The following GSG1L variants were observed in gnomAD, a reference collection of about 807,000 sequenced individuals.
The protein encoded by GSG1L is germ cell-specific gene 1-like protein.
A neutral mutation model predicts 42.1 loss-of-function variants in GSG1L; 24 were observed. The ratio of observed to expected loss-of-function variants is 0.57; its 90% CI spans 0.41 to 0.80. The LOEUF (loss-of-function observed/expected upper bound fraction) is 0.80. GSG1L is among the 30% of genes least tolerant of loss of function. The pLI is 0.00. For synonymous variants in GSG1L, 215 were observed against 203.5 expected, an observed-to-expected ratio of 1.06 and a Z score of -0.48; for missense variants, 445 against 472.2, an observed-to-expected ratio of 0.94 and a Z score of 0.53.
intron 3 of GSG1L, among the ~76,000 whole-genome samples, chr16:27,880,548 G>T (rs1056812027): frequency 6.6e-6 from 1 of 152,160 alleles, no homozygotes; most frequent in African/African-American, 2.4e-5. Flanking sequence ...ACCTCCCTGA[G>T]CCTGGATTGT....
At chr16:27,914,467 T>C (rs2084427596) in intron 2 of GSG1L, among the ~76,000 whole-genome samples, 1 of 152,194 alleles carries the variant, frequency 6.6e-6, no homozygotes, top group Non-Finnish European at 1.5e-5. Flanking sequence ...AAAGTGAGGA[T>C]ACAGCCTCCC....
intron 2 of GSG1L, among the ~76,000 whole-genome samples, chr16:27,947,963 C>A (rs1296902716): frequency 2.0e-5 from 3 of 152,098 alleles, no homozygotes; most frequent in Non-Finnish European, 4.4e-5. Context: ...GGCTGGAGGG[C>A]CTCAGAGAAT....
At chr16:27,886,037 C>T (rs2084024525) in intron 2 of GSG1L, among the ~76,000 whole-genome samples, 1 of 152,206 alleles carries the variant, frequency 6.6e-6, no homozygotes, top group Non-Finnish European at 1.5e-5. Flanking sequence ...ATCTGGGCTC[C>T]ATGATGGGGA....
At chr16:27,908,568 T>G (rs1163051838) in intron 2 of GSG1L, among the ~76,000 whole-genome samples, 3 of 152,176 alleles carry the variant, frequency 2.0e-5, no homozygotes, top group African/African-American at 7.2e-5. Flanking sequence ...TTCTCACAGT[T>G]CTGGAGGCTG....
chr16:27,813,822 T>C (rs1251170847), intron 5 of GSG1L, among the ~76,000 whole-genome samples: 1 of 152,212 alleles, frequency 6.6e-6, no homozygotes, highest in African/African-American at 2.4e-5. Flanking sequence ...AATGAGACCT[T>C]GGGCCCTGGA....
chr16:28,002,241 G>C (rs966635195), intron 1 of GSG1L, among the ~76,000 whole-genome samples: 1 of 152,150 alleles, frequency 6.6e-6, no homozygotes, highest in Non-Finnish European at 1.5e-5. Flanking sequence ...GGTGAGCGAG[G>C]CTTCTCTGAT....
At chr16:27,793,378 C>T (rs746215421) in intron 6 of GSG1L, among the ~76,000 whole-genome samples, 31 of 152,148 alleles carry the variant, frequency 2.0e-4, no homozygotes, top group South Asian at 4.1e-4. Flanking sequence ...ATTTTGCAAA[C>T]ATTTTGGAAT....
chr16:27,984,569 G>A (rs1276917367), intron 1 of GSG1L, among the ~76,000 whole-genome samples: 2 of 152,052 alleles, frequency 1.3e-5, no homozygotes, highest in African/African-American at 4.8e-5. Flanking sequence ...TTTTTTTAGA[G>A]CTCTACAGTC....
At chr16:27,869,927 CTCTCTCTGTCTCTGTCTCCCTCCA>C (rs1281228049) in intron 3 of GSG1L, among the ~76,000 whole-genome samples, 42 of 145,154 alleles carry the variant, frequency 2.9e-4, no homozygotes, top group Admixed American at 4.8e-4. Context: ...CTCCCTCCAT[CTCTCTCTGTCTCTGTCTCCCTCCA>C]TCTCTCTCTC....
chr16:27,817,307 C>T (rs2083106385), intron 5 of GSG1L, among the ~76,000 whole-genome samples: 1 of 152,192 alleles, frequency 6.6e-6, no homozygotes, highest in South Asian at 2.1e-4. Context: ...TGTCATCCCC[C>T]GCCATGTTCT....
In GSG1L at chr16:27,892,789, CAAA is replaced by C. The variant is rs67758245; in HGVS notation, c.398-8154_398-8152del. 1.2e-3 allele frequency among the ~76,000 whole-genome samples: 112 copies of C among 96,630 alleles called. 1 individual carries two copies. The highest frequency in any genetic ancestry group is 1.4e-3 in the Non-Finnish European group (67 of 47,854). 63.4% of individuals were successfully genotyped at this position (96,630 alleles called of 152,430 possible). A position where few individuals can be genotyped will look rare whatever the true frequency, so the allele number is the denominator to read the frequency against. On this transcript the variant is annotated intron_variant, in intron 2 of 6. Coordinates refer to ENST00000447459, the MANE Select transcript of GSG1L (RefSeq NM_001109763.2). ...TGAGTGACAGAAGGAGACTCAGTCT[CAAA>C]AAAAAAAAAAAAAAAAAGTCACCTT...
intron 2 of GSG1L, among the ~76,000 whole-genome samples, chr16:27,910,096 A>G: frequency 1.3e-5 from 2 of 149,338 alleles, no homozygotes; most frequent in African/African-American, 4.9e-5. Context: ...AGTAGCTGGG[A>G]TTACAGGCAC....
At chr16:27,804,114 G>GAA (rs1450018760) in intron 6 of GSG1L, among the ~76,000 whole-genome samples, 2 of 151,994 alleles carry the variant, frequency 1.3e-5, no homozygotes, top group Non-Finnish European at 2.9e-5. Context: ...GAGAGAGAGA[G>GAA]AAATAATGTG....
At chr16:27,820,193 A>C (rs2083136527) in intron 5 of GSG1L, among the ~76,000 whole-genome samples, 1 of 152,190 alleles carries the variant, frequency 6.6e-6, no homozygotes, top group South Asian at 2.1e-4. Context: ...TAGAAACACC[A>C]AGGAAGCAAC....
At chr16:27,859,094 G>C (rs1371439260) in intron 3 of GSG1L, among the ~76,000 whole-genome samples, 2 of 152,042 alleles carry the variant, frequency 1.3e-5, no homozygotes, top group Non-Finnish European at 2.9e-5. Context: ...CTGTTGCTAT[G>C]AGGAGCCACG....
chr16:27,895,656 T>C (rs758359707), intron 2 of GSG1L, among the ~76,000 whole-genome samples: 5 of 152,240 alleles, frequency 3.3e-5, no homozygotes, highest in African/African-American at 4.8e-5. Flanking sequence ...ATCTGACAGC[T>C]GTTCCCGAAA....
At position 27,789,658 on chromosome 16, in the gene GSG1L, A is replaced by G. The variant is rs1175404248; in HGVS notation, c.*1712T>C. The G allele has an allele frequency of 6.6e-6, 1 of 151,470 alleles. No homozygotes were observed. Among genetic ancestry groups the G allele is most frequent in the African/African-American group, 2.4e-5 (1 of 41,228 alleles). 9.4% of individuals were successfully genotyped at this position (151,470 alleles called of 1,614,324 possible). ...GAATGGGTGGATGGATGATGAATGG[A>G]TGGATGAAAGCATAGACAATGAATG... is the stretch of plus-strand genomic sequence containing the variant. On this transcript the variant is annotated 3_prime_UTR_variant, in exon 7 of 7. Transcript: ENST00000447459.
At chr16:27,829,621 A>G (rs2083254011) in intron 4 of GSG1L, among the ~76,000 whole-genome samples, 1 of 152,142 alleles carries the variant, frequency 6.6e-6, no homozygotes, top group African/African-American at 2.4e-5. Flanking sequence ...ATCATAGCTT[A>G]CTGCAGCCTC....
intron 5 of GSG1L, among the ~76,000 whole-genome samples, chr16:27,815,088 C>T (rs762545268): frequency 1.3e-4 from 20 of 152,104 alleles, no homozygotes; most frequent in Non-Finnish European, 2.9e-5. Context: ...AGCCATCGCA[C>T]CCAACCAGAT....
Sources: gnomAD v4.1 joint callset for allele counts (sites outside exome capture counted in the v4.1 genomes callset) on GRCh38, gnomAD v4.1.1 for gene constraint, MANE v1.5 for transcripts, NCBI Gene and HGNC (gene_info 2026-07-23, HGNC 2026-07-21) for gene names.